The following USP49 variants were observed in gnomAD, a reference collection of about 807,000 sequenced individuals.
USP49 encodes ubiquitin carboxyl-terminal hydrolase 49.
A neutral mutation model predicts 58.6 loss-of-function variants in USP49; 24 were observed. The ratio of observed to expected loss-of-function variants is 0.41; its 90% CI spans 0.30 to 0.58. The LOEUF (loss-of-function observed/expected upper bound fraction) is 0.58, where lower values mean the gene tolerates loss of function less well. Ranked by LOEUF, USP49 falls within the 20% of genes least tolerant of loss-of-function variation. The pLI is 0.30. For missense variants in USP49, 703 were observed against 866.1 expected, an observed-to-expected ratio of 0.81 and a Z score of 2.36; for synonymous variants, 408 against 365.1, an observed-to-expected ratio of 1.12 and a Z score of -1.34.
At chr6:41,889,157 A>C (rs1294050545) in intron 2 of USP49, among the ~76,000 whole-genome samples, 1 of 151,582 alleles carries the variant, frequency 6.6e-6, no homozygotes, top group Non-Finnish European at 1.5e-5. Flanking sequence ...CTCAGTCTCC[A>C]GAGTAGCTGG....
chr6:41,864,899 C>G (rs543115486), intron 3 of USP49, among the ~76,000 whole-genome samples: 1 of 152,126 alleles, frequency 6.6e-6, no homozygotes, highest in African/African-American at 2.4e-5. Context: ...TTGTATAAAA[C>G]TCTATTAAAT....
chr6:41,850,157 A>G (rs1311526144), intron 3 of USP49, among the ~76,000 whole-genome samples: 2 of 152,090 alleles, frequency 1.3e-5, no homozygotes, highest in African/African-American at 4.8e-5. Flanking sequence ...AAAAAAGAAG[A>G]AAGGTCCAGG....
chr6:41,872,137 C>G (rs1377574357), intron 2 of USP49, among the ~76,000 whole-genome samples: 2 of 152,168 alleles, frequency 1.3e-5, no homozygotes, highest in African/African-American at 4.8e-5. Context: ...ATTCTGTACA[C>G]AAGGACAATA....
intron 3 of USP49, among the ~76,000 whole-genome samples, chr6:41,819,140 C>A (rs974773287): frequency 1.3e-5 from 2 of 151,952 alleles, no homozygotes; most frequent in African/African-American, 4.8e-5. Context: ...GATAAATAAA[C>A]CCCCAAACAG....
At chr6:41,859,826 G>A (rs1326444222) in intron 3 of USP49, among the ~76,000 whole-genome samples, 1 of 152,148 alleles carries the variant, frequency 6.6e-6, no homozygotes, top group Non-Finnish European at 1.5e-5. Context: ...CTATGAAAGG[G>A]TGCAGGAAGA....
chr6:41,864,009 T>C (rs1057274554), intron 3 of USP49, among the ~76,000 whole-genome samples: 3 of 150,242 alleles, frequency 2.0e-5, no homozygotes, highest in Non-Finnish European at 1.5e-5. Context: ...GCTCAACCAA[T>C]CCTACCACCT....
intron 3 of USP49, among the ~76,000 whole-genome samples, chr6:41,838,575 G>A (rs557267928): frequency 6.6e-6 from 1 of 152,158 alleles, no homozygotes; most frequent in Non-Finnish European, 1.5e-5. Flanking sequence ...AAGGGGGAGA[G>A]CACCACATCA....
chr6:41,851,783 T>C (rs574815789), intron 3 of USP49, among the ~76,000 whole-genome samples: 14 of 150,582 alleles, frequency 9.3e-5, no homozygotes, highest in African/African-American at 3.4e-4. Flanking sequence ...TGAAACCCCA[T>C]CTCTACTAAA....
At chr6:41,854,021 AAAG>A (rs1342903553) in intron 3 of USP49, among the ~76,000 whole-genome samples, 2 of 137,658 alleles carry the variant, frequency 1.5e-5, no homozygotes, top group Non-Finnish European at 3.2e-5. Context: ...AAAAAAAAAA[AAAG>A]AAGCAGGGTA....
chr6:41,811,104 C>A (rs1323766246), intron 3 of USP49, among the ~76,000 whole-genome samples: 2 of 152,020 alleles, frequency 1.3e-5, no homozygotes, highest in African/African-American at 4.8e-5. Flanking sequence ...TTTTTTATTG[C>A]CTGTTCCAGA....
intron 2 of USP49, among the ~76,000 whole-genome samples, chr6:41,879,089 G>A (rs914856417): frequency 1.2e-4 from 19 of 152,204 alleles, no homozygotes; most frequent in African/African-American, 4.1e-4. Context: ...CTACAAAAAT[G>A]CTTTCTAACT....
intron 3 of USP49, among the ~76,000 whole-genome samples, chr6:41,850,839 G>T (rs1774014723): frequency 6.6e-6 from 1 of 152,034 alleles, no homozygotes; most frequent in African/African-American, 2.4e-5. Context: ...TTGACCTCCT[G>T]ATCCGCCCAC....
chr6:41,864,997 A>C (rs1774285008), intron 3 of USP49, among the ~76,000 whole-genome samples: 1 of 152,186 alleles, frequency 6.6e-6, no homozygotes, highest in Non-Finnish European at 1.5e-5. Flanking sequence ...AAAAACAATT[A>C]GAATAAATTT....
At chr6:41,870,608 C>G (rs969812706) in intron 3 of USP49, among the ~76,000 whole-genome samples, 6 of 151,800 alleles carry the variant, frequency 4.0e-5, no homozygotes, top group Admixed American at 3.3e-4. Context: ...ATGATTATAG[C>G]TCACTACAGC....
intron 3 of USP49, among the ~76,000 whole-genome samples, chr6:41,846,829 C>T (rs1017055151): frequency 6.6e-6 from 1 of 152,228 alleles, no homozygotes; most frequent in African/African-American, 2.4e-5. Context: ...GTGTGTCCAA[C>T]ATTCTGGCTT....
intron 3 of USP49, among the ~76,000 whole-genome samples, chr6:41,855,551 T>C (rs1774113536): frequency 6.6e-6 from 1 of 152,114 alleles, no homozygotes; most frequent in African/African-American, 2.4e-5. Context: ...AAAAGTACTT[T>C]TATTATTTTC....
intron 2 of USP49, among the ~76,000 whole-genome samples, chr6:41,888,985 G>C (rs867226421): frequency 6.6e-6 from 1 of 151,662 alleles, no homozygotes; most frequent in African/African-American, 2.4e-5. Context: ...ATTTCCATTC[G>C]TCCCCCTCAT....
At chr6:41,813,358 C>G (rs1324336972) in intron 3 of USP49, among the ~76,000 whole-genome samples, 1 of 152,102 alleles carries the variant, frequency 6.6e-6, no homozygotes. Flanking sequence ...TGAAATACAG[C>G]AGAGCTTCAA....
In USP49 at chr6:41,822,318, A is replaced by G. The variant is rs566062983; in HGVS notation, c.-28-15307T>C. ...CATATACATTAGGAACTGTCTGCAG[A>G]GAAAAAAAGGAACAATTTCTGTGAA... On this transcript the variant is annotated intron_variant, in intron 3 of 7. Transcript: ENST00000682992. 1.7e-4 allele frequency among the ~76,000 whole-genome samples: 26 copies of G among 152,332 alleles called. No homozygotes were observed. In the South Asian group the frequency reaches 5.2e-3, roughly 30 times the overall value.
Sources: allele counts gnomAD v4.1 joint callset (sites outside exome capture counted in the v4.1 genomes callset), GRCh38; gene constraint gnomAD v4.1.1; transcripts MANE v1.5; gene names NCBI Gene and HGNC (gene_info 2026-07-23, HGNC 2026-07-21).